Variants in SNX29 observed in about 807,000 individuals in gnomAD.
The protein encoded by SNX29 is sorting nexin-29.
In SNX29, 78 loss-of-function variants were observed where a neutral mutation model predicts 102.1. The observed-to-expected ratio is 0.76, with a 90% CI of 0.64 to 0.92. The LOEUF is 0.92. SNX29 is among the 40% of genes least tolerant of loss of function. SNX29 has a pLI of 0.00. For synonymous variants in SNX29, 580 were observed against 414.5 expected, an observed-to-expected ratio of 1.40 and a Z score of -4.85; for missense variants, 1,280 against 1,061.7, an observed-to-expected ratio of 1.21 and a Z score of -2.86.
intron 20 of SNX29, among the ~76,000 whole-genome samples, chr16:12,568,209 C>T (rs910736983): frequency 6.6e-6 from 1 of 150,790 alleles, no homozygotes; most frequent in Admixed American, 6.6e-5. Flanking sequence ...GTGCCTAGAA[C>T]ATTCTTTCAT....
At chr16:12,276,602 C>G (rs1239018848) in intron 14 of SNX29, among the ~76,000 whole-genome samples, 1 of 152,148 alleles carries the variant, frequency 6.6e-6, no homozygotes, top group Non-Finnish European at 1.5e-5. Flanking sequence ...GATTTCTTGT[C>G]CCAGAACACA....
chr16:12,282,242 A>C (rs977229711), intron 15 of SNX29, among the ~76,000 whole-genome samples: 2 of 152,206 alleles, frequency 1.3e-5, no homozygotes, highest in Non-Finnish European at 2.9e-5. Flanking sequence ...ACCGATGTTC[A>C]AGAGAATGAA....
chr16:12,253,239 C>G (rs539132286), intron 14 of SNX29, among the ~76,000 whole-genome samples: 1 of 152,196 alleles, frequency 6.6e-6, no homozygotes, highest in South Asian at 2.1e-4. Flanking sequence ...GTAGATCTTT[C>G]ATTCATTCAT....
chr16:12,242,374 T>A lies in SNX29; in HGVS notation c.1679-35559T>A, dbSNP rs1170762039. Among the ~76,000 whole-genome samples, 450 of 141,328 alleles carry A rather than the reference T, an allele frequency of 3.2e-3. 2 individuals are homozygous for A. The highest frequency in any genetic ancestry group is 0.01 in the African/African-American group (397 of 38,358). The allele number at this position is 141,328 out of a possible 152,430, so 92.7% of individuals were successfully genotyped here. ...AATAATATATATATATATATTTTTT[T>A]TTTTTTTTTAAGAAGAGGAGTTACA... On this transcript the variant is annotated intron_variant, in intron 14 of 20. Transcript: ENST00000566228.
chr16:12,229,973 G>A (rs2077722526), intron 14 of SNX29, among the ~76,000 whole-genome samples: 1 of 152,142 alleles, frequency 6.6e-6, no homozygotes, highest in Non-Finnish European at 1.5e-5. Flanking sequence ...TGGCTTTGTT[G>A]TCCAGATGGG....
intron 14 of SNX29, among the ~76,000 whole-genome samples, chr16:12,260,936 G>A (rs187016416): frequency 2.7e-5 from 4 of 147,772 alleles, no homozygotes; most frequent in Admixed American, 1.4e-4. Context: ...ACGCGCCCCC[G>A]GCTGGAGTGA....
chr16:12,320,368 C>A (rs537368592), intron 15 of SNX29, among the ~76,000 whole-genome samples: 1 of 151,996 alleles, frequency 6.6e-6, no homozygotes, highest in Non-Finnish European at 1.5e-5. Flanking sequence ...GTCTTCCTGC[C>A]GCAATGCCTG....
intron 10 of SNX29, among the ~76,000 whole-genome samples, chr16:12,073,202 T>C (rs1198713989): frequency 6.6e-6 from 1 of 152,192 alleles, no homozygotes; most frequent in Admixed American, 6.5e-5. Flanking sequence ...ATTTCTTGCC[T>C]TCTGCTAGCT....
At chr16:11,980,185 G>C (rs536407025) in intron 1 of SNX29, among the ~76,000 whole-genome samples, 13 of 152,076 alleles carry the variant, frequency 8.5e-5, no homozygotes, top group Non-Finnish European at 1.5e-4. Context: ...CCTCCCCTCA[G>C]ACCCTGGGAA....
chr16:12,195,552 T>C (rs540724093), intron 13 of SNX29, among the ~76,000 whole-genome samples: 2 of 152,300 alleles, frequency 1.3e-5, no homozygotes, highest in South Asian at 2.1e-4. Context: ...TAGCCTCTCT[T>C]AGCAAAGCTG....
rs185747424 is a variant in SNX29, at chr16:12,557,944, C to T, written c.2319-10562C>T. On this transcript the variant is annotated intron_variant, in intron 20 of 20. Transcript: ENST00000566228. The stretch of plus-strand genomic sequence containing the variant: ...CAGGCAGGCTGCTATTTTCATTCAC[C>T]GCTTGCCCTGTCTTCCTGTGGGTCT... Among the ~76,000 whole-genome samples the T allele has an allele frequency of 2.6e-3, 402 of 152,206 alleles. 3 individuals carry two copies. Among genetic ancestry groups the T allele is most frequent in the African/African-American group, 7.9e-3 (330 of 41,520 alleles).
intron 19 of SNX29, among the ~76,000 whole-genome samples, chr16:12,521,676 A>G (rs982558095): frequency 6.6e-6 from 1 of 152,194 alleles, no homozygotes; most frequent in Non-Finnish European, 1.5e-5. Context: ...TGCAGATTAA[A>G]AACTAGGCTT....
chr16:12,573,649 T>TCA lies in SNX29; in HGVS notation c.*5021_*5022dup, dbSNP rs2079233176. 2 of 221,712 alleles carry TCA rather than the reference T, an allele frequency of 9.0e-6. No individual in the cohort carries two copies. Among genetic ancestry groups the TCA allele is most frequent in the Admixed American group, 5.8e-5 (1 of 17,380 alleles). 13.7% of individuals were successfully genotyped at this position (221,712 alleles called of 1,614,324 possible). A position where few individuals can be genotyped will look rare whatever the true frequency, so the allele number is the denominator to read the frequency against. The stretch of plus-strand genomic sequence containing the variant: ...CATGAACGGCAAGGGGAACCACCAC[T>TCA]CATTCACTGTCAGTGTAGGTAAGAC... On this transcript the variant is annotated 3_prime_UTR_variant, in exon 21 of 21. Transcript: ENST00000566228.
At chr16:12,481,666 C>G (rs1021311495) in intron 19 of SNX29, among the ~76,000 whole-genome samples, 12 of 152,030 alleles carry the variant, frequency 7.9e-5, no homozygotes, top group East Asian at 1.9e-4. Flanking sequence ...TCCCGAGTAG[C>G]TGGGACTATA....
At chr16:12,548,268 G>T (rs942645347) in intron 20 of SNX29, among the ~76,000 whole-genome samples, 1 of 152,172 alleles carries the variant, frequency 6.6e-6, no homozygotes, top group African/African-American at 2.4e-5. Context: ...CACCAGATGT[G>T]GACCTGACTG....
At chr16:12,538,404 T>C (rs1015965172) in intron 20 of SNX29, among the ~76,000 whole-genome samples, 4 of 152,232 alleles carry the variant, frequency 2.6e-5, no homozygotes, top group African/African-American at 9.6e-5. Flanking sequence ...CTTGCACTTT[T>C]AAAATGATGT....
At chr16:12,016,199 T>G (rs1019100567) in intron 3 of SNX29, among the ~76,000 whole-genome samples, 1 of 152,212 alleles carries the variant, frequency 6.6e-6, no homozygotes, top group African/African-American at 2.4e-5. Context: ...TACATTGCAT[T>G]GCATGTTGCA....
chr16:12,482,930 C>A (rs1249712059), intron 19 of SNX29, among the ~76,000 whole-genome samples: 2 of 152,084 alleles, frequency 1.3e-5, no homozygotes, highest in Admixed American at 1.3e-4. Context: ...ATATGCCATG[C>A]ATGTGTGTAA....
chr16:12,157,198 C>T (rs1309070884), intron 13 of SNX29, among the ~76,000 whole-genome samples: 1 of 152,144 alleles, frequency 6.6e-6, no homozygotes, highest in Non-Finnish European at 1.5e-5. Flanking sequence ...AACATCCACC[C>T]CCCATAGGCT....
Sources: gnomAD v4.1 joint callset for allele counts (sites outside exome capture counted in the v4.1 genomes callset) on GRCh38, gnomAD v4.1.1 for gene constraint, MANE v1.5 for transcripts, NCBI Gene and HGNC (gene_info 2026-07-23, HGNC 2026-07-21) for gene names.